The following ADGRB3 variants were observed in gnomAD, a reference collection of about 807,000 sequenced individuals.
ADGRB3 encodes adhesion G protein-coupled receptor B3.
A neutral mutation model predicts 193.4 loss-of-function variants in ADGRB3; 37 were observed. The ratio of observed to expected loss-of-function variants is 0.19; its 90% CI spans 0.15 to 0.25. The LOEUF (loss-of-function observed/expected upper bound fraction) is 0.25. ADGRB3 is among the 10% of genes least tolerant of loss of function. The pLI is 1.00. For synonymous variants in ADGRB3, 690 were observed against 644.2 expected, an observed-to-expected ratio of 1.07 and a Z score of -1.08; for missense variants, 1,637 against 1,852.9, an observed-to-expected ratio of 0.88 and a Z score of 2.14.
At chr6:68,801,544 C>T (rs933696489) in intron 3 of ADGRB3, among the ~76,000 whole-genome samples, 1 of 151,998 alleles carries the variant, frequency 6.6e-6, no homozygotes. Context: ...AAAAAAATGG[C>T]TGGGTGTGGT....
intron 13 of ADGRB3, among the ~76,000 whole-genome samples, chr6:69,028,076 A>G (rs1770491859): frequency 1.3e-5 from 2 of 152,188 alleles, no homozygotes; most frequent in Non-Finnish European, 2.9e-5. Flanking sequence ...TTTTATCCTC[A>G]GAAGCCATCA....
chr6:69,334,407 T>C (rs930385663), intron 24 of ADGRB3, among the ~76,000 whole-genome samples: 1 of 152,214 alleles, frequency 6.6e-6, no homozygotes, highest in African/African-American at 2.4e-5. Flanking sequence ...AAATTTGATA[T>C]CATTTATGTA....
Position 68,815,181 on chromosome 6 carries a change from C to T in ADGRB3, c.758-115378C>T, listed in dbSNP as rs554233073. Reference sequence around the variant, plus strand: ...CTTTGTTTCAAGGCAGTTAGTTTCCCAGTCCTTCGCGGCTCCTACTCAGCT... The same window carrying T: ...CTTTGTTTCAAGGCAGTTAGTTTCCTAGTCCTTCGCGGCTCCTACTCAGCT... On this transcript the variant is annotated intron_variant, in intron 3 of 31. Coordinates refer to ENST00000370598, the MANE Select transcript of ADGRB3 (RefSeq NM_001704.3). Among the ~76,000 whole-genome samples the T allele has an allele frequency of 2.0e-5, 3 of 152,254 alleles. No homozygotes were observed. In the East Asian group the frequency reaches 5.8e-4, roughly 29 times the overall value.
At chr6:68,660,612 A>C (rs1257781407) in intron 3 of ADGRB3, among the ~76,000 whole-genome samples, 1 of 151,070 alleles carries the variant, frequency 6.6e-6, no homozygotes. Flanking sequence ...TTGTAGGCTT[A>C]TTTAATAGAA....
intron 3 of ADGRB3, among the ~76,000 whole-genome samples, chr6:68,903,770 G>A (rs1342948776): frequency 1.3e-5 from 2 of 151,760 alleles, no homozygotes; most frequent in South Asian, 2.1e-4. Context: ...GCTTTGAGTG[G>A]GAAGCCGAGG....
At chr6:68,972,783 G>C (rs1186097251) in intron 8 of ADGRB3, among the ~76,000 whole-genome samples, 1 of 152,164 alleles carries the variant, frequency 6.6e-6, no homozygotes, top group Admixed American at 6.5e-5. Flanking sequence ...ATTCTGAGAA[G>C]GACACAAAGA....
intron 27 of ADGRB3, among the ~76,000 whole-genome samples, chr6:69,354,797 A>C (rs1769303689): frequency 6.6e-6 from 1 of 152,134 alleles, no homozygotes; most frequent in African/African-American, 2.4e-5. Context: ...CTAAGATGAG[A>C]ACCACTGTTC....
At chr6:68,892,646 C>G (rs74536773) in intron 3 of ADGRB3, among the ~76,000 whole-genome samples, 13,726 of 152,026 alleles carry the variant, frequency 0.09, 809 homozygotes, top group Non-Finnish European at 0.13. Context: ...CTCAGAGGGC[C>G]TGGGTTGTGC....
chr6:69,215,772 TCTC>T (rs1285573939), intron 17 of ADGRB3, among the ~76,000 whole-genome samples: 3 of 152,120 alleles, frequency 2.0e-5, no homozygotes, highest in Non-Finnish European at 4.4e-5. Flanking sequence ...GACTTAAAGA[TCTC>T]CTCCCTTGGT....
chr6:69,377,438 A>C (rs1582666864), intron 30 of ADGRB3, among the ~76,000 whole-genome samples: 1 of 152,048 alleles, frequency 6.6e-6, no homozygotes, highest in Admixed American at 6.6e-5. Context: ...AAAGCAAGCC[A>C]AAAAACTTAA....
chr6:69,184,418 G>T (rs1316542422), intron 17 of ADGRB3, among the ~76,000 whole-genome samples: 3 of 151,812 alleles, frequency 2.0e-5, no homozygotes, highest in Non-Finnish European at 4.4e-5. Context: ...CAACAACAAA[G>T]AAATAAGAAA....
Position 69,361,352 on chromosome 6 carries a change from A to G in ADGRB3, c.4079A>G (p.Asn1360Ser), listed in dbSNP as rs76770231. The change falls in exon 29 of 32, where the codon AAT (asparagine) becomes AGT (serine). Residue 1360 changes from asparagine (N) to serine (S), a missense_variant. Coordinates refer to ENST00000370598, the MANE Select transcript of ADGRB3 (RefSeq NM_001704.3). Reference protein sequence around the residue: ...NMNPPVMDQFNMNLEQHLAPQ... With the variant: ...NMNPPVMDQFSMNLEQHLAPQ... ...AATCCCCCTGTAATGGACCAGTTCA[A>G]TATGAACTTAGAGCAACATCTCGCA... 7.4e-6 allele frequency: 12 copies of G among 1,613,072 alleles called. No individual in the cohort carries two copies. In the East Asian group the frequency reaches 8.9e-5, roughly 12 times the overall value.
chr6:68,945,034 A>T (rs966805239), intron 6 of ADGRB3, among the ~76,000 whole-genome samples: 3 of 152,146 alleles, frequency 2.0e-5, no homozygotes, highest in Admixed American at 2.0e-4. Flanking sequence ...CCCCCAAGTT[A>T]ATGTCCTGAA....
At chr6:68,665,687 T>C (rs1236133210) in intron 3 of ADGRB3, among the ~76,000 whole-genome samples, 1 of 151,754 alleles carries the variant, frequency 6.6e-6, no homozygotes, top group African/African-American at 2.4e-5. Context: ...ATTAAATATG[T>C]TTTTGCTTGG....
intron 3 of ADGRB3, among the ~76,000 whole-genome samples, chr6:68,710,844 T>A (rs1765396721): frequency 6.6e-6 from 1 of 152,122 alleles, no homozygotes; most frequent in Non-Finnish European, 1.5e-5. Flanking sequence ...CTCCTAGAGG[T>A]GTGTAGTCCA....
chr6:69,194,786 C>T (rs1256517068), intron 17 of ADGRB3, among the ~76,000 whole-genome samples: 5 of 152,098 alleles, frequency 3.3e-5, no homozygotes, highest in African/African-American at 1.2e-4. Context: ...TTGAAACCAA[C>T]TGTGAACTTA....
chr6:69,027,944 A>G (rs1289725369), intron 13 of ADGRB3, among the ~76,000 whole-genome samples: 1 of 152,230 alleles, frequency 6.6e-6, no homozygotes, highest in Non-Finnish European at 1.5e-5. Flanking sequence ...TAAAGTTTAG[A>G]ATTCAAAGCA....
At chr6:68,704,730 C>T (rs2746132) in intron 3 of ADGRB3, among the ~76,000 whole-genome samples, 53,208 of 151,972 alleles carry the variant, frequency 0.35, 10,144 homozygotes, top group East Asian at 0.59. Flanking sequence ...CTGTGAAAAC[C>T]TTGCTTTGTG....
At chr6:68,802,008 A>T (rs1026182834) in intron 3 of ADGRB3, among the ~76,000 whole-genome samples, 2 of 152,204 alleles carry the variant, frequency 1.3e-5, no homozygotes, top group Non-Finnish European at 2.9e-5. Flanking sequence ...CTTCTGCAAC[A>T]AAAAAGAAAT....
Sources: gnomAD v4.1 joint callset for allele counts (sites outside exome capture counted in the v4.1 genomes callset) on GRCh38, gnomAD v4.1.1 for gene constraint, MANE v1.5 for transcripts, NCBI Gene and HGNC (gene_info 2026-07-23, HGNC 2026-07-21) for gene names.